Variants in GRIA1 observed in about 807,000 individuals in gnomAD.
The protein encoded by GRIA1 is glutamate receptor 1.
Under a neutral mutation model 99.2 loss-of-function variants are expected in GRIA1, and 31 were observed. The ratio of observed to expected loss-of-function variants is 0.31; its 90% CI spans 0.23 to 0.42. The LOEUF is 0.42. Ranked by LOEUF, GRIA1 falls within the 10% of genes least tolerant of loss-of-function variation. The pLI is 1.00. For synonymous variants in GRIA1, 438 were observed against 432.4 expected (o/e 1.01, Z -0.16); for missense variants, 782 against 1,157.5 (o/e 0.68, Z 4.71).
At chr5:153,619,622 G>A (rs1301463508) in intron 2 of GRIA1, among the ~76,000 whole-genome samples, 1 of 151,980 alleles carries the variant, frequency 6.6e-6, no homozygotes, top group East Asian at 1.9e-4. Context: ...ATGAGGACTA[G>A]CCATTTATTT....
chr5:153,645,036 C>A (rs138002679), intron 2 of GRIA1, among the ~76,000 whole-genome samples: 1 of 152,078 alleles, frequency 6.6e-6, no homozygotes, highest in Admixed American at 6.6e-5. Context: ...GGAGAAAGAA[C>A]AATGTGTTTT....
At chr5:153,781,875 T>A (rs1186596055) in intron 13 of GRIA1, among the ~76,000 whole-genome samples, 1 of 152,118 alleles carries the variant, frequency 6.6e-6, no homozygotes, top group African/African-American at 2.4e-5. Flanking sequence ...ATGAATAAAC[T>A]ATGACATTAG....
rs557200577 is a variant in GRIA1 at position 153,521,188 on chromosome 5, A to G, written c.220+27123A>G. On this transcript the variant is annotated intron_variant, in intron 2 of 15. Transcript: ENST00000285900. ...AGGATGGAAAGCATTTCCAGATACCATGTCCTGAGTGAGCACAATGCTTAG... is the reference window on the plus strand; with the variant it reads ...AGGATGGAAAGCATTTCCAGATACCGTGTCCTGAGTGAGCACAATGCTTAG... Among the ~76,000 whole-genome samples the G allele has an allele frequency of 1.5e-4, 23 of 152,350 alleles. No homozygotes were observed. The South Asian group carries it at 1.7e-3, about 11-fold the overall frequency.
At chr5:153,741,150 G>A (rs573664820) in intron 11 of GRIA1, among the ~76,000 whole-genome samples, 4 of 151,740 alleles carry the variant, frequency 2.6e-5, no homozygotes, top group Admixed American at 6.6e-5. Flanking sequence ...CTAATTTTTT[G>A]TATTTTTAGT....
intron 11 of GRIA1, among the ~76,000 whole-genome samples, chr5:153,722,045 G>A (rs1214219940): frequency 1.3e-5 from 2 of 152,088 alleles, no homozygotes; most frequent in African/African-American, 4.8e-5. Context: ...ATCACATTAT[G>A]GTTTTAATTT....
intron 11 of GRIA1, among the ~76,000 whole-genome samples, chr5:153,706,510 T>A (rs1758907137): frequency 6.6e-6 from 1 of 152,108 alleles, no homozygotes; most frequent in Admixed American, 6.5e-5. Flanking sequence ...ACCACAGAAA[T>A]GTTGAATATC....
chr5:153,623,927 T>C (rs1327596138), intron 2 of GRIA1, among the ~76,000 whole-genome samples: 1 of 151,906 alleles, frequency 6.6e-6, no homozygotes, highest in Non-Finnish European at 1.5e-5. Context: ...TCTCGTTGAA[T>C]ATGGTTGTTT....
intron 4 of GRIA1, among the ~76,000 whole-genome samples, chr5:153,655,005 A>T (rs1260843688): frequency 6.6e-6 from 1 of 152,204 alleles, no homozygotes; most frequent in African/African-American, 2.4e-5. Flanking sequence ...TTTGGGATAA[A>T]AGGGTATTCA....
chr5:153,716,125 G>T (rs1259874374), intron 11 of GRIA1, among the ~76,000 whole-genome samples: 1 of 152,218 alleles, frequency 6.6e-6, no homozygotes, highest in African/African-American at 2.4e-5. Flanking sequence ...TTTCTTTCAT[G>T]TGTTGTACCT....
At chr5:153,804,072 C>T (rs949744980) in intron 15 of GRIA1, among the ~76,000 whole-genome samples, 1 of 152,104 alleles carries the variant, frequency 6.6e-6, no homozygotes, top group East Asian at 1.9e-4. Flanking sequence ...ACTCATGTGC[C>T]TTTTTATGGG....
intron 2 of GRIA1, among the ~76,000 whole-genome samples, chr5:153,636,845 A>G (rs1489691684): frequency 6.6e-6 from 1 of 152,240 alleles, no homozygotes; most frequent in Non-Finnish European, 1.5e-5. Flanking sequence ...GGCTGTTATT[A>G]TTATCCAAAG....
chr5:153,520,089 G>C (rs111926371), intron 2 of GRIA1, among the ~76,000 whole-genome samples: 4,243 of 152,208 alleles, frequency 0.028, 62 homozygotes, highest in South Asian at 0.079. Flanking sequence ...CAGGCTCTTT[G>C]CTAGATATGT....
intron 3 of GRIA1, among the ~76,000 whole-genome samples, chr5:153,648,105 G>A (rs967266041): frequency 2.0e-5 from 3 of 152,226 alleles, no homozygotes; most frequent in Admixed American, 6.5e-5. Flanking sequence ...GTTGCCTGCA[G>A]GGAGTCTTAG....
At chr5:153,516,680 AG>A (rs924415674) in intron 2 of GRIA1, among the ~76,000 whole-genome samples, 12 of 152,164 alleles carry the variant, frequency 7.9e-5, no homozygotes, top group African/African-American at 2.9e-4. Flanking sequence ...GGGAGACAAA[AG>A]GCTGCTGCGT....
At chr5:153,582,415 A>G (rs1468068683) in intron 2 of GRIA1, among the ~76,000 whole-genome samples, 1 of 152,152 alleles carries the variant, frequency 6.6e-6, no homozygotes, top group Non-Finnish European at 1.5e-5. Flanking sequence ...TAGTACTTCA[A>G]ATAGATATTT....
rs184706145 is a variant in GRIA1 at position 153,621,604 on chromosome 5, T to C, written c.221-25324T>C. On this transcript the variant is annotated intron_variant, in intron 2 of 15. Coordinates refer to ENST00000285900, the MANE Select transcript of GRIA1 (RefSeq NM_000827.4). The stretch of plus-strand genomic sequence containing the variant: ...TTTACTCTGCTGTGAACCCACTCCA[T>C]GAATCTGGGCACATACTTGGGCCCC... Among the ~76,000 whole-genome samples, 1,100 of 152,264 alleles carry C rather than the reference T, an allele frequency of 7.2e-3. 12 individuals are homozygous for C. The highest frequency in any genetic ancestry group is 9.5e-3 in the Non-Finnish European group (649 of 68,008).
chr5:153,600,021 T>TAGATAAG (rs752577419), intron 2 of GRIA1, among the ~76,000 whole-genome samples: 12 of 152,154 alleles, frequency 7.9e-5, no homozygotes, highest in Non-Finnish European at 1.2e-4. Context: ...ACGGAGGCAC[T>TAGATAAG]GCGCACCTTG....
At chr5:153,540,272 A>T (rs1198348534) in intron 2 of GRIA1, among the ~76,000 whole-genome samples, 1 of 152,220 alleles carries the variant, frequency 6.6e-6, no homozygotes, top group Non-Finnish European at 1.5e-5. Flanking sequence ...CCTGCTGGAG[A>T]GACAAGAAGG....
intron 11 of GRIA1, among the ~76,000 whole-genome samples, chr5:153,710,610 G>C (rs1020346281): frequency 2.0e-5 from 3 of 152,282 alleles, no homozygotes; most frequent in Non-Finnish European, 4.4e-5. Flanking sequence ...CTTATCTTTA[G>C]TACCTTCAAC....
Sources: gnomAD v4.1 joint callset for allele counts (sites outside exome capture counted in the v4.1 genomes callset) on GRCh38, gnomAD v4.1.1 for gene constraint, MANE v1.5 for transcripts, NCBI Gene and HGNC (gene_info 2026-07-23, HGNC 2026-07-21) for gene names.